PANK2: variants seen among roughly 807,000 people sequenced by gnomAD.
The protein encoded by PANK2 is pantothenate kinase 2.
Under a neutral mutation model 43.1 loss-of-function variants are expected in PANK2, and 36 were observed. The ratio of observed to expected loss-of-function variants is 0.84; its 90% CI spans 0.64 to 1.10. The LOEUF (loss-of-function observed/expected upper bound fraction) is 1.10. PANK2 is among the 50% of genes least tolerant of loss of function. The pLI, the probability that PANK2 is intolerant of heterozygous loss-of-function variation, is 0.00. For missense variants in PANK2, 576 were observed against 593.3 expected, an observed-to-expected ratio of 0.97 and a Z score of 0.30; for synonymous variants, 281 against 238.2, an observed-to-expected ratio of 1.18 and a Z score of -1.66.
Position 3,903,389 on chromosome 20 carries a change from C to T in PANK2, c.299-4537C>T, listed in dbSNP as rs549921726. 2.6e-5 allele frequency among the ~76,000 whole-genome samples: 4 copies of T among 151,412 alleles called. No homozygotes were observed. The East Asian group carries it at 5.8e-4, about 22-fold the overall frequency. ...TCTTGAATTCCTGACCTCAGGTGAT[C>T]CGCCCGCCTTAGCCTCCCAAAGTGC... On this transcript the variant is annotated intron_variant, in intron 1 of 6. Coordinates refer to ENST00000610179, the MANE Select transcript of PANK2 (RefSeq NM_001386393.1).
chr20:3,894,781 C>T (rs1156631696), intron 1 of PANK2, among the ~76,000 whole-genome samples: 1 of 152,034 alleles, frequency 6.6e-6, no homozygotes, highest in Admixed American at 6.6e-5. Flanking sequence ...GTAAATACAG[C>T]CTGTCTTCTT....
At position 3,908,245 on chromosome 20, in the gene PANK2, T is replaced by G. The variant is rs755691919; in HGVS notation, c.618T>G (p.Gly206=). The G allele has an allele frequency of 9.3e-6, 15 of 1,611,040 alleles. No homozygotes were observed. In the Admixed American group the frequency reaches 1.5e-4, roughly 16 times the overall value. The change falls in exon 2 of 7, where the codon GGT becomes GGG. Residue 206 remains glycine, a synonymous_variant. Transcript: ENST00000610179. ...ACACTGTCTTTTGTGCCACTGGAGG[T>G]GGAGCGTACAAATTTGAGCAGGATT...
intron 1 of PANK2, among the ~76,000 whole-genome samples, chr20:3,904,000 T>C (rs1216147515): frequency 6.6e-6 from 1 of 152,018 alleles, no homozygotes; most frequent in Non-Finnish European, 1.5e-5. Context: ...TTCACCATAT[T>C]GGTCAGGCTG....
chr20:3,915,582 C>T (rs2090546970), intron 4 of PANK2, among the ~76,000 whole-genome samples: 1 of 152,234 alleles, frequency 6.6e-6, no homozygotes, highest in Admixed American at 6.5e-5. Context: ...AGGCGTGAGC[C>T]ACCACGCCCG....
At chr20:3,901,365 C>G (rs917982330) in intron 1 of PANK2, among the ~76,000 whole-genome samples, 7 of 150,788 alleles carry the variant, frequency 4.6e-5, no homozygotes, top group Admixed American at 1.4e-4. Context: ...ATTTACTGTA[C>G]TTTTCCCCAT....
chr20:3,917,198 A>G, intron 5 of PANK2, 148 bp downstream of exon 5: 3 of 917,478 alleles, frequency 3.3e-6, no homozygotes, highest in Non-Finnish European at 5.0e-6. Flanking sequence ...CTTCAAATAC[A>G]GATTAATCTT....
At chr20:3,904,391 G>C (rs890984715) in intron 1 of PANK2, among the ~76,000 whole-genome samples, 1 of 151,894 alleles carries the variant, frequency 6.6e-6, no homozygotes, top group Non-Finnish European at 1.5e-5. Context: ...GACCAGCCTG[G>C]ACAACACAGT....
Position 3,923,315 on chromosome 20 carries a change from C to G in PANK2, c.*21C>G. 1 of 1,613,396 alleles carries G rather than the reference C, an allele frequency of 6.2e-7. No individual in the cohort carries two copies. Among genetic ancestry groups the G allele is most frequent in the Non-Finnish European group, 8.5e-7 (1 of 1,179,396 alleles). Reference sequence around the variant, plus strand: ...CGTGATCATTACCTGGGGAGGGGTTCCTGAAACCTTCCACAATGGGATCTG... The same window carrying G: ...CGTGATCATTACCTGGGGAGGGGTTGCTGAAACCTTCCACAATGGGATCTG... On this transcript the variant is annotated 3_prime_UTR_variant, in exon 7 of 7. Coordinates refer to ENST00000610179, the MANE Select transcript of PANK2 (RefSeq NM_001386393.1).
intron 1 of PANK2, 26 bp downstream of exon 1, chr20:3,889,754 C>T: frequency 1.6e-5 from 25 of 1,575,260 alleles, no homozygotes; most frequent in Middle Eastern, 2.0e-4. Context: ...GGCGCCCTCC[C>T]GGCCCGCCCT....
upstream of PANK2, chr20:3,889,381 G>A: frequency 1.3e-6 from 2 of 1,575,088 alleles, no homozygotes; most frequent in Non-Finnish European, 1.7e-6. Flanking sequence ...CCGAGGGCGC[G>A]CCTCTGCTCT....
chr20:3,923,322 C>T lies in PANK2; in HGVS notation c.*28C>T, dbSNP rs765876628. The T allele has an allele frequency of 1.9e-6, 3 of 1,612,058 alleles. No individual in the cohort carries two copies. The highest frequency in any genetic ancestry group is 2.5e-6 in the Non-Finnish European group (3 of 1,178,144). ...ATTACCTGGGGAGGGGTTCCTGAAACCTTCCACAATGGGATCTGTGGACTT... is the reference window on the plus strand; with the variant it reads ...ATTACCTGGGGAGGGGTTCCTGAAATCTTCCACAATGGGATCTGTGGACTT... On this transcript the variant is annotated 3_prime_UTR_variant, in exon 7 of 7. Coordinates refer to ENST00000610179, the MANE Select transcript of PANK2 (RefSeq NM_001386393.1).
intron 3 of PANK2, among the ~76,000 whole-genome samples, 178 bp from the exon 4 acceptor site, chr20:3,912,280 A>G (rs1221488229): frequency 6.6e-6 from 1 of 152,224 alleles, no homozygotes; most frequent in African/African-American, 2.4e-5. Context: ...GCTCACATGC[A>G]TATGTACCTT....
At chr20:3,908,741 A>C (rs761301743) in intron 2 of PANK2, 1 of 230,570 alleles carries the variant, frequency 4.3e-6, no homozygotes, top group East Asian at 1.1e-4. Flanking sequence ...TTTCAGGCTC[A>C]GGGCTGGTCT....
intron 4 of PANK2, among the ~76,000 whole-genome samples, chr20:3,913,211 C>T (rs1361540863): frequency 1.3e-5 from 2 of 152,252 alleles, no homozygotes; most frequent in East Asian, 1.9e-4. Context: ...TGTAGGTTTG[C>T]CTCTTCTGAA....
In PANK2 at chr20:3,928,839, GA is replaced by G. The variant is rs2090772272; in HGVS notation, c.*5547del. 2 of 150,350 alleles carry G rather than the reference GA, an allele frequency of 1.3e-5. No individual in the cohort carries two copies. The highest frequency in any genetic ancestry group is 3.0e-5 in the Non-Finnish European group (2 of 67,652). 9.3% of individuals were successfully genotyped at this position (150,350 alleles called of 1,614,324 possible). On this transcript the variant is annotated 3_prime_UTR_variant, in exon 7 of 7. Transcript: ENST00000610179. ...AAGGCATAAAGGGAAAATTCTGTAG[GA>G]AGCATTTTCTTTTCTTGTGTGTTTT...
At chr20:3,907,842 G>A (rs185446747) in intron 1 of PANK2, 84 bp from the exon 2 acceptor site, 284 of 1,188,396 alleles carry the variant, frequency 2.4e-4, no homozygotes, top group Middle Eastern at 5.8e-4. Flanking sequence ...AAACCCTAGC[G>A]TTTGAAATAA....
rs767385307 is a variant in PANK2, at chr20:3,901,543, A to G, written c.299-6383A>G. 8 of 905,088 alleles carry G rather than the reference A, an allele frequency of 8.8e-6. No individual in the cohort carries two copies. Among genetic ancestry groups the G allele is most frequent in the Non-Finnish European group, 9.2e-6 (7 of 757,710 alleles). 56.1% of individuals were successfully genotyped at this position (905,088 alleles called of 1,614,324 possible). A position where few individuals can be genotyped will look rare whatever the true frequency, so the allele number is the denominator to read the frequency against. On this transcript the variant is annotated intron_variant, in intron 1 of 6. Coordinates refer to ENST00000610179, the MANE Select transcript of PANK2 (RefSeq NM_001386393.1). ...AATCTATCTTTTCTTCCCTTTTCCA[A>G]CAAGACAGAACTGCTGCTTGCTTTC...
rs2090703634 is a variant in PANK2, at chr20:3,925,274, AC to A, written c.*1983del. The A allele has an allele frequency of 2.0e-5, 3 of 152,428 alleles. No individual in the cohort carries two copies. Among genetic ancestry groups the A allele is most frequent in the African/African-American group, 7.2e-5 (3 of 41,430 alleles). The allele number at this position is 152,428 out of a possible 1,614,324, so 9.4% of individuals were successfully genotyped here. ...GTTTTTGAGACAGTCTCGCTGTGTC[AC>A]CCAGGTGGAGTGCAGTGGGGCGATC... is the stretch of plus-strand genomic sequence containing the variant. On this transcript the variant is annotated 3_prime_UTR_variant, in exon 7 of 7. Transcript: ENST00000610179.
At chr20:3,917,969 C>G (rs1333730226) in intron 5 of PANK2, among the ~76,000 whole-genome samples, 4 of 152,028 alleles carry the variant, frequency 2.6e-5, no homozygotes, top group Non-Finnish European at 5.9e-5. Context: ...AATAACAGAG[C>G]TTGGCATTTG....
Sources: allele counts gnomAD v4.1 joint callset (sites outside exome capture counted in the v4.1 genomes callset), GRCh38; gene constraint gnomAD v4.1.1; transcripts MANE v1.5; gene names NCBI Gene and HGNC (gene_info 2026-07-23, HGNC 2026-07-21).